Variants in BIRC3 observed in about 807,000 individuals in gnomAD.
BIRC3 encodes the protein baculoviral IAP repeat-containing protein 3.
In BIRC3, 26 loss-of-function variants were observed where a neutral mutation model predicts 59.0. That is an observed-to-expected ratio of 0.44 (90% CI 0.32 to 0.61). The LOEUF is 0.61. Ranked by LOEUF, BIRC3 falls within the 20% of genes least tolerant of loss-of-function variation. BIRC3 has a pLI of 0.04. For synonymous variants in BIRC3, 243 were observed against 249.2 expected (o/e 0.98, Z 0.24); for missense variants, 641 against 711.5 (o/e 0.90, Z 1.13).
intron 6 of BIRC3, among the ~76,000 whole-genome samples, chr11:102,334,014 A>T (rs970299810): frequency 1.3e-5 from 2 of 152,186 alleles, no homozygotes; most frequent in African/African-American, 2.4e-5. Context: ...TGAACTTGCA[A>T]ACCAGAATAT....
At position 102,336,932 on chromosome 11, in the gene BIRC3, C is replaced by T. The variant is rs145399165; in HGVS notation, c.1645C>T (p.Arg549Trp). The T allele has an allele frequency of 8.7e-6, 14 of 1,601,596 alleles. No homozygotes were observed. Among genetic ancestry groups the T allele is most frequent in the East Asian group, 2.2e-5 (1 of 44,682 alleles). ...AGATCTACCAGTGGAAGAACAATTG[C>T]GGAGACTACAAGAAGAAAGAACATG... ...VSDLPVEEQL[R>W]RLQEERTCKV... The change falls in exon 9 of 9, where the codon CGG becomes TGG. Residue 549 changes from arginine (R) to tryptophan (W), a missense_variant. By Grantham distance (101) the Arg-to-Trp change is moderately radical. Transcript: ENST00000263464.
chr11:102,335,881 T>C, intron 6 of BIRC3, 85 bp from the exon 7 acceptor site: 1 of 1,382,516 alleles, frequency 7.2e-7, no homozygotes, highest in Non-Finnish European at 9.8e-7. Context: ...TAAAGATAGT[T>C]TTTATCCTGC....
chr11:102,319,525 T>C (rs1951010073), intron 1 of BIRC3, among the ~76,000 whole-genome samples: 1 of 152,186 alleles, frequency 6.6e-6, no homozygotes, highest in Admixed American at 6.5e-5. Context: ...AGGGGGCAAG[T>C]CTTTAACTGA....
chr11:102,331,930 C>T (rs555321875), intron 6 of BIRC3, among the ~76,000 whole-genome samples: 9 of 152,148 alleles, frequency 5.9e-5, no homozygotes, highest in Admixed American at 5.9e-4. Flanking sequence ...CATGAGCCAC[C>T]GTGCCTGGCT....
chr11:102,322,777 TAAAAAAAA>T lies in BIRC3; in HGVS notation c.-1714_-1707del, dbSNP rs5794162. 31 of 67,012 alleles carry T rather than the reference TAAAAAAAA, an allele frequency of 4.6e-4. No homozygotes were observed. The highest frequency in any genetic ancestry group is 1.3e-3 in the African/African-American group (21 of 15,866). The allele number at this position is 67,012 out of a possible 1,614,324, so 4.2% of individuals were successfully genotyped here. ...GGAAACCATGCTTGCAAACCACTGG[TAAAAAAAA>T]AAAAAAAAAAAAAAAAAAGCCACAG... is the stretch of plus-strand genomic sequence containing the variant. On this transcript the variant is annotated 5_prime_UTR_variant, in exon 2 of 9. Coordinates refer to ENST00000263464, the MANE Select transcript of BIRC3 (RefSeq NM_001165.5).
rs559339336 is a variant in BIRC3, at chr11:102,322,917, T to G, written c.-1593T>G. 9.6e-6 allele frequency: 2 copies of G among 208,348 alleles called. No individual in the cohort carries two copies. The highest frequency in any genetic ancestry group is 3.8e-4 in the South Asian group (2 of 5,310). 12.9% of individuals were successfully genotyped at this position (208,348 alleles called of 1,614,324 possible). ...TGAATTTTGACAAGGTCTCTGCTGT[T>G]GAAATGGTAAATTTATTATTTTTTT... On this transcript the variant is annotated 5_prime_UTR_variant, in exon 2 of 9. Coordinates refer to ENST00000263464, the MANE Select transcript of BIRC3 (RefSeq NM_001165.5).
At chr11:102,328,439 T>C (rs1951105782) in intron 4 of BIRC3, among the ~76,000 whole-genome samples, 1 of 152,118 alleles carries the variant, frequency 6.6e-6, no homozygotes, top group South Asian at 2.1e-4. Context: ...TCAAAAGATC[T>C]GAGAAAGAGA....
chr11:102,320,826 A>G lies in BIRC3; in HGVS notation c.-2673-1011A>G, dbSNP rs527866780. 1.8e-4 allele frequency among the ~76,000 whole-genome samples: 27 copies of G among 152,356 alleles called. No individual in the cohort carries two copies. The South Asian group carries it at 3.5e-3, about 20-fold the overall frequency. Reference sequence around the variant, plus strand: ...CTGTTATTGCTAGACTGTTACTGTTAGTGGAGACTACCAGAACAGTCAGTC... The same window carrying G: ...CTGTTATTGCTAGACTGTTACTGTTGGTGGAGACTACCAGAACAGTCAGTC... On this transcript the variant is annotated intron_variant, in intron 1 of 8. Coordinates refer to ENST00000263464, the MANE Select transcript of BIRC3 (RefSeq NM_001165.5).
rs1951061702 is a variant in BIRC3, at chr11:102,324,533, A to G, written c.24A>G (p.Ile8Met). 1.9e-6 allele frequency: 3 copies of G among 1,613,596 alleles called. No homozygotes were observed. Among genetic ancestry groups the G allele is most frequent in the Non-Finnish European group, 2.5e-6 (3 of 1,179,656 alleles). The change falls in exon 2 of 9, where the codon ATA becomes ATG. Residue 8 changes from isoleucine (I) to methionine (M), a missense_variant. Around this residue, in one of 4 missense-constraint regions of BIRC3, gnomAD observed 329 missense variants for 365.6 expected, o/e 0.90. Coordinates refer to ENST00000263464, the MANE Select transcript of BIRC3 (RefSeq NM_001165.5). ...TTATGAACATAGTAGAAAACAGCATATTCTTATCAAATTTGATGAAAAGCG... is the reference window on the plus strand; with the variant it reads ...TTATGAACATAGTAGAAAACAGCATGTTCTTATCAAATTTGATGAAAAGCG... MNIVENS[I>M]FLSNLMKSAN...
chr11:102,319,147 G>A (rs1951004990), intron 1 of BIRC3, among the ~76,000 whole-genome samples: 2 of 150,702 alleles, frequency 1.3e-5, no homozygotes, highest in African/African-American at 4.9e-5. Context: ...GGGTTCAAGC[G>A]ATTCTCCTGC....
chr11:102,318,218 T>G (rs2135779597), intron 1 of BIRC3, among the ~76,000 whole-genome samples: 1 of 152,334 alleles, frequency 6.6e-6, no homozygotes. Context: ...TTAATTATCA[T>G]AATCTTAAGA....
chr11:102,337,434 T>A lies in BIRC3; in HGVS notation c.*332T>A, dbSNP rs1415904807. ...TTTAAGAATTTTAAATATTTTGGCA[T>A]TGTACTAATACCGGGAACATGAAGC... On this transcript the variant is annotated 3_prime_UTR_variant, in exon 9 of 9. Coordinates refer to ENST00000263464, the MANE Select transcript of BIRC3 (RefSeq NM_001165.5). 2.5e-6 allele frequency: 1 copy of A among 403,140 alleles called. No individual in the cohort carries two copies. The highest frequency in any genetic ancestry group is 3.6e-5 in the East Asian group (1 of 28,168). 25.0% of individuals were successfully genotyped at this position (403,140 alleles called of 1,614,324 possible). A position where few individuals can be genotyped will look rare whatever the true frequency, so the allele number is the denominator to read the frequency against.
intron 3 of BIRC3, among the ~76,000 whole-genome samples, chr11:102,326,446 G>T (rs1462924636): frequency 6.6e-6 from 1 of 152,062 alleles, no homozygotes; most frequent in Non-Finnish European, 1.5e-5. Context: ...TGCAAGTGTG[G>T]GTTTTTATCA....
Position 102,337,173 on chromosome 11 carries a change from T to G in BIRC3, c.*71T>G. On this transcript the variant is annotated 3_prime_UTR_variant, in exon 9 of 9. Coordinates refer to ENST00000263464, the MANE Select transcript of BIRC3 (RefSeq NM_001165.5). ...TGTATTATAACTTTAACTTTTATCCTAATTTGGTTTCCTTAAAATTTTTAT... is the reference window on the plus strand; with the variant it reads ...TGTATTATAACTTTAACTTTTATCCGAATTTGGTTTCCTTAAAATTTTTAT... 1 of 1,210,238 alleles carries G rather than the reference T, an allele frequency of 8.3e-7. No homozygotes were observed. The highest frequency in any genetic ancestry group is 1.1e-6 in the Non-Finnish European group (1 of 936,264). The allele number at this position is 1,210,238 out of a possible 1,614,324, so 75.0% of individuals were successfully genotyped here.
chr11:102,336,929 T>C lies in BIRC3; in HGVS notation c.1642T>C (p.Leu548=), dbSNP rs1565325906. ...DVSDLPVEEQ[L]RRLQEERTCK... Reference sequence around the variant, plus strand: ...TCTAGATCTACCAGTGGAAGAACAATTGCGGAGACTACAAGAAGAAAGAAC... The same window carrying C: ...TCTAGATCTACCAGTGGAAGAACAACTGCGGAGACTACAAGAAGAAAGAAC... The change falls in exon 9 of 9, where the codon TTG becomes CTG. Residue 548 remains leucine (L), a synonymous_variant. Coordinates refer to ENST00000263464, the MANE Select transcript of BIRC3 (RefSeq NM_001165.5). 1 of 1,601,954 alleles carries C rather than the reference T, an allele frequency of 6.2e-7. No individual in the cohort carries two copies. Among genetic ancestry groups the C allele is most frequent in the East Asian group, 2.2e-5 (1 of 44,700 alleles).
Position 102,322,423 on chromosome 11 carries a change from T to G in BIRC3, c.-2087T>G, listed in dbSNP as rs1591519258. 4.8e-6 allele frequency: 1 copy of G among 207,356 alleles called. No homozygotes were observed. Among genetic ancestry groups the G allele is most frequent in the Non-Finnish European group, 9.8e-6 (1 of 101,664 alleles). The allele number at this position is 207,356 out of a possible 1,614,324, so 12.8% of individuals were successfully genotyped here. On this transcript the variant is annotated 5_prime_UTR_variant, in exon 2 of 9. In the 5' UTR this introduces an upstream ATG that the reference lacks. Coordinates refer to ENST00000263464, the MANE Select transcript of BIRC3 (RefSeq NM_001165.5). ...ATTGGTCAAGAAATTATCCAGTTAT[T>G]TACAAGGCCACTGATATTTTAAACG... is the stretch of plus-strand genomic sequence containing the variant.
chr11:102,330,646 A>T (rs947382567), intron 5 of BIRC3, among the ~76,000 whole-genome samples: 7 of 152,222 alleles, frequency 4.6e-5, no homozygotes, highest in Admixed American at 1.3e-4. Flanking sequence ...TATGTGAATT[A>T]TTCTTGATTG....
intron 3 of BIRC3, 50 bp from the exon 4 acceptor site, chr11:102,328,002 A>C (rs989594762): frequency 7.0e-7 from 1 of 1,430,176 alleles, no homozygotes; most frequent in Non-Finnish European, 9.7e-7. Context: ...TTACATTTTC[A>C]TTTCACTTGT....
chr11:102,329,232 T>C (rs1951114634), intron 5 of BIRC3, among the ~76,000 whole-genome samples: 1 of 152,170 alleles, frequency 6.6e-6, no homozygotes, highest in South Asian at 2.1e-4. Context: ...ACTACATACA[T>C]CCAGCCTAAC....
Sources: allele counts gnomAD v4.1 joint callset (sites outside exome capture counted in the v4.1 genomes callset), GRCh38; gene constraint gnomAD v4.1.1; regional missense constraint gnomAD v4.1.1; transcripts MANE v1.5; gene names NCBI Gene and HGNC (gene_info 2026-07-23, HGNC 2026-07-21).